TRPM1: variants seen among roughly 807,000 people sequenced by gnomAD.
The protein encoded by TRPM1 is TRPM1-203 APA Isoform, Intron 10.
A neutral mutation model predicts 149.4 loss-of-function variants in TRPM1; 113 were observed. That is an observed-to-expected ratio of 0.76 (90% CI 0.65 to 0.88). The LOEUF (loss-of-function observed/expected upper bound fraction) is 0.88. TRPM1 is among the 40% of genes least tolerant of loss of function. The pLI, the probability that TRPM1 is intolerant of heterozygous loss-of-function variation, is 0.00. For synonymous variants in TRPM1, 741 were observed against 759.5 expected (o/e 0.98, Z 0.40); for missense variants, 1,976 against 2,038.7 (o/e 0.97, Z 0.59).
intron 27 of TRPM1, among the ~76,000 whole-genome samples, chr15:31,024,091 A>C (rs1428602253): frequency 6.6e-6 from 1 of 152,194 alleles, no homozygotes; most frequent in Admixed American, 6.5e-5. Context: ...TACCAAGACA[A>C]CAGGGAGACA....
chr15:31,022,700 C>G (rs1220167354), intron 27 of TRPM1, among the ~76,000 whole-genome samples: 1 of 152,048 alleles, frequency 6.6e-6, no homozygotes, highest in Non-Finnish European at 1.5e-5. Context: ...CATGAGGGAA[C>G]TCATTAAGGA....
Position 31,028,935 on chromosome 15 carries a change from C to A in TRPM1, c.3148+436G>T, listed in dbSNP as rs1403003084. On this transcript the variant is annotated intron_variant, in intron 24 of 27. Coordinates refer to ENST00000256552, the MANE Select transcript of TRPM1 (RefSeq NM_001252024.2). ...TTATGTTTTTTCCCTTTATCGTTAT[C>A]CATTTGAAAGTCATTGTGGCTTCTA... is the stretch of plus-strand genomic sequence containing the variant. Among the ~76,000 whole-genome samples the A allele has an allele frequency of 9.2e-5, 14 of 152,060 alleles. 1 individual carries two copies. The highest frequency in any genetic ancestry group is 9.2e-4 in the Admixed American group (14 of 15,278).
rs1872955536 is a variant in TRPM1 at position 31,066,100 on chromosome 15, T to C, written c.766A>G (p.Ile256Val). 6.2e-7 allele frequency: 1 copy of C among 1,614,144 alleles called. No homozygotes were observed. The highest frequency in any genetic ancestry group is 1.1e-5 in the South Asian group (1 of 91,074). Residue 256 changes from isoleucine (I) to valine (V), a missense_variant, in exon 7 of 28, where the codon ATC becomes GTC. Physicochemically the swap from Ile to Val is conservative, Grantham distance 29 (BLOSUM62 3). Coordinates refer to ENST00000256552, the MANE Select transcript of TRPM1 (RefSeq NM_001252024.2). ...CTTGTGTTGATCTTCTGCAGGGAGA[T>C]GTGCTTTTCCAGCAGCCTTCGCAGC... is the stretch of plus-strand genomic sequence containing the variant. ...VKLRRLLEKH[I>V]SLQKINTRLG...
At chr15:31,086,566 T>G (rs2035005502) in intron 1 of TRPM1, among the ~76,000 whole-genome samples, 1 of 152,180 alleles carries the variant, frequency 6.6e-6, no homozygotes, top group South Asian at 2.1e-4. Flanking sequence ...TCTGGGTGCC[T>G]GTGGGTGCCT....
At chr15:31,091,403 G>T (rs939429273) in intron 1 of TRPM1, among the ~76,000 whole-genome samples, 1 of 152,250 alleles carries the variant, frequency 6.6e-6, no homozygotes, top group Non-Finnish European at 1.5e-5. Flanking sequence ...GGGGACCAGC[G>T]TGCACATGTT....
intron 1 of TRPM1, among the ~76,000 whole-genome samples, chr15:31,083,139 G>A (rs969161575): frequency 2.0e-5 from 3 of 152,160 alleles, no homozygotes; most frequent in Non-Finnish European, 4.4e-5. Flanking sequence ...ACTGCCGGGC[G>A]AGGCTCTGTT....
At position 31,001,673 on chromosome 15, in the gene TRPM1, C is replaced by T. The variant is rs2031766331; in HGVS notation, c.*149G>A. On this transcript the variant is annotated 3_prime_UTR_variant, in exon 28 of 28. Coordinates refer to ENST00000256552, the MANE Select transcript of TRPM1 (RefSeq NM_001252024.2). ...ACTAACATATGCTAACAAAATACTA[C>T]TTTTAGTGCATTAAATTGTAAATCA... 11 of 770,308 alleles carry T rather than the reference C, an allele frequency of 1.4e-5. No homozygotes were observed. The highest frequency in any genetic ancestry group is 3.0e-4 in the Middle Eastern group (1 of 3,382). The allele number at this position is 770,308 out of a possible 1,614,324, so 47.7% of individuals were successfully genotyped here.
At chr15:31,042,370 A>G (rs1405518685) in intron 16 of TRPM1, 127 bp from the exon 17 acceptor site, 9 of 933,798 alleles carry the variant, frequency 9.6e-6, no homozygotes, top group African/African-American at 1.7e-5. Flanking sequence ...TACATCTTAC[A>G]TTTCCACTCC....
intron 3 of TRPM1, among the ~76,000 whole-genome samples, chr15:31,075,973 G>A (rs1020246656): frequency 1.3e-5 from 2 of 151,418 alleles, no homozygotes; most frequent in Non-Finnish European, 2.9e-5. Flanking sequence ...GCCCTCTATT[G>A]CCTGGGCATC....
intron 1 of TRPM1, among the ~76,000 whole-genome samples, chr15:31,112,383 C>G (rs2035701915): frequency 6.6e-6 from 1 of 152,194 alleles, no homozygotes; most frequent in African/African-American, 2.4e-5. Flanking sequence ...GAGGCTGAAG[C>G]AGGAGACTTG....
intron 1 of TRPM1, among the ~76,000 whole-genome samples, chr15:31,156,952 G>T (rs564873730): frequency 1.3e-5 from 2 of 150,706 alleles, no homozygotes; most frequent in East Asian, 3.9e-4. Context: ...TTGAGATAGG[G>T]TCTCACTCTG....
intron 1 of TRPM1, among the ~76,000 whole-genome samples, chr15:31,086,012 C>T (rs1326434318): frequency 6.7e-6 from 1 of 149,960 alleles, no homozygotes; most frequent in Non-Finnish European, 1.5e-5. Context: ...GATCTCTGAC[C>T]GTTCCGAGGA....
intron 27 of TRPM1, among the ~76,000 whole-genome samples, chr15:31,010,944 C>A (rs1053357943): frequency 1.3e-5 from 2 of 152,152 alleles, no homozygotes; most frequent in African/African-American, 4.8e-5. Flanking sequence ...TCTTATGAGG[C>A]TCTGCTATTG....
intron 1 of TRPM1, among the ~76,000 whole-genome samples, chr15:31,119,107 GGT>G (rs2035841609): frequency 6.6e-6 from 1 of 152,018 alleles, no homozygotes; most frequent in South Asian, 2.1e-4. Context: ...TGGGCATGGT[GGT>G]GCATGCCTGT....
rs574652148 is a variant in TRPM1 at position 31,032,927 on chromosome 15, T to C, written c.2714A>G (p.Glu905Gly). Residue 905 changes from glutamate to glycine, a missense_variant, in exon 22 of 28, where the codon GAA becomes GGA. Glu to Gly is a moderately conservative substitution (Grantham distance 98). Around this residue, in one of 3 missense-constraint regions of TRPM1, gnomAD observed 1,332 missense variants for 1,347.1 expected, o/e 0.99. Coordinates refer to ENST00000256552, the MANE Select transcript of TRPM1 (RefSeq NM_001252024.2). ...LEKIREILMS[E>G]PGKLSQKIKV... The stretch of plus-strand genomic sequence containing the variant: ...GATTTTCTGGCTGAGTTTGCCTGGT[T>C]CTGACATGAGGATCTGAAAACAAAC... 4.2e-4 allele frequency: 685 copies of C among 1,614,208 alleles called. 15 individuals are homozygous for C. In the South Asian group the frequency reaches 7.2e-3, roughly 17 times the overall value.
intron 20 of TRPM1, among the ~76,000 whole-genome samples, chr15:31,036,891 C>A (rs1227323636): frequency 1.3e-5 from 2 of 152,270 alleles, no homozygotes; most frequent in East Asian, 3.8e-4. Context: ...TCATTCATCG[C>A]CCAGACCACG....
chr15:31,026,055 G>T, intron 27 of TRPM1, 84 bp downstream of exon 27: 1 of 1,572,872 alleles, frequency 6.4e-7, no homozygotes, highest in South Asian at 1.1e-5. Context: ...ATGTTTAAAT[G>T]AACTCTGGCA....
chr15:31,013,710 A>G (rs2032264077), intron 27 of TRPM1, among the ~76,000 whole-genome samples: 1 of 152,058 alleles, frequency 6.6e-6, no homozygotes, highest in Non-Finnish European at 1.5e-5. Context: ...TGCTTAGTGT[A>G]GTTGTTGTTT....
chr15:31,156,338 T>C (rs2036377266), intron 1 of TRPM1, among the ~76,000 whole-genome samples: 1 of 152,026 alleles, frequency 6.6e-6, no homozygotes, highest in South Asian at 2.1e-4. Flanking sequence ...TAATAGAGCT[T>C]TCCCCTTCTA....
Sources: gnomAD v4.1 joint callset for allele counts (sites outside exome capture counted in the v4.1 genomes callset) on GRCh38, gnomAD v4.1.1 for gene constraint, gnomAD v4.1.1 regional missense constraint, MANE v1.5 for transcripts, NCBI Gene and HGNC (gene_info 2026-07-23, HGNC 2026-07-21) for gene names.